SEPTIN9: variants seen among roughly 807,000 people sequenced by gnomAD.
SEPTIN9 encodes the protein septin-9.
A neutral mutation model predicts 56.6 loss-of-function variants in SEPTIN9; 13 were observed. The ratio of observed to expected loss-of-function variants is 0.23; its 90% confidence interval spans 0.15 to 0.37. SEPTIN9 has a LOEUF of 0.37. Among genes scored for constraint, SEPTIN9 ranks in the 10% least tolerant of loss-of-function variants. SEPTIN9 has a pLI of 1.00. For missense variants in SEPTIN9, 650 were observed against 823.1 expected (o/e 0.79, Z 2.57); for synonymous variants, 332 against 334.1 (o/e 0.99, Z 0.07).
At chr17:77,334,623 T>C (rs1488410936) in intron 2 of SEPTIN9, among the ~76,000 whole-genome samples, 1 of 152,130 alleles carries the variant, frequency 6.6e-6, no homozygotes, top group Non-Finnish European at 1.5e-5. Flanking sequence ...TTTCGATTTA[T>C]GATTTTTGTG....
chr17:77,373,269 G>T (rs2034782936), intron 2 of SEPTIN9: 5 of 1,147,438 alleles, frequency 4.4e-6, no homozygotes, highest in Non-Finnish European at 4.3e-6. Context: ...AACCTGATCC[G>T]CCCGGGAGGC....
chr17:77,471,043 C>T (rs2038974194), intron 3 of SEPTIN9: 1 of 152,272 alleles, frequency 6.6e-6, no homozygotes. Flanking sequence ...TGGGGCAGGG[C>T]CTGGAGACGG....
intron 2 of SEPTIN9, among the ~76,000 whole-genome samples, chr17:77,351,200 TTGCGCAGGCACATG>T: frequency 6.6e-6 from 1 of 150,746 alleles, no homozygotes; most frequent in African/African-American, 2.4e-5. Flanking sequence ...ATGGAGGGAC[TTGCGCAGGCACATG>T]TGCGCGTGCA....
chr17:77,311,672 G>A (rs555910247), intron 2 of SEPTIN9, among the ~76,000 whole-genome samples: 3 of 152,278 alleles, frequency 2.0e-5, no homozygotes, highest in African/African-American at 4.8e-5. Flanking sequence ...ATGCCAGAAG[G>A]GTGGGGCCTG....
chr17:77,492,776 G>A lies in SEPTIN9; in HGVS notation c.1476+60G>A, dbSNP rs559451907. ...ACCCCCAGTTCCTGCTGAAGGGTGGGTTGGGGGTTTGGAGGACCTTAAGCC... is the reference window on the plus strand; with the variant it reads ...ACCCCCAGTTCCTGCTGAAGGGTGGATTGGGGGTTTGGAGGACCTTAAGCC... On this transcript the variant is annotated intron_variant, in intron 9 of 11. Transcript: ENST00000427177. The surrounding 1 kb of genome is among the most constrained non-coding windows in gnomAD (Gnocchi z 5.4). 67 of 1,503,572 alleles carry A rather than the reference G, an allele frequency of 4.5e-5. No homozygotes were observed. The African/African-American group carries it at 8.6e-4, about 19-fold the overall frequency. The allele number at this position is 1,503,572 out of a possible 1,614,324, so 93.1% of individuals were successfully genotyped here. A position where few individuals can be genotyped will look rare whatever the true frequency, so the allele number is the denominator to read the frequency against.
intron 2 of SEPTIN9, among the ~76,000 whole-genome samples, chr17:77,378,584 A>G (rs941411815): frequency 2.0e-5 from 3 of 152,208 alleles, no homozygotes; most frequent in African/African-American, 7.2e-5. Context: ...GGGAGGTCTC[A>G]GGCAAGGGCC....
At chr17:77,426,037 T>G (rs1206392202) in intron 3 of SEPTIN9, among the ~76,000 whole-genome samples, 2 of 151,960 alleles carry the variant, frequency 1.3e-5, no homozygotes, top group Non-Finnish European at 2.9e-5. Context: ...GGTCCCAGCC[T>G]CAGGAGGAGG....
intron 2 of SEPTIN9, among the ~76,000 whole-genome samples, chr17:77,390,693 T>C (rs1490285378): frequency 6.6e-6 from 1 of 152,002 alleles, no homozygotes; most frequent in Non-Finnish European, 1.5e-5. Flanking sequence ...CCTCGTGATC[T>C]GCCCGCCTCT....
intron 2 of SEPTIN9, among the ~76,000 whole-genome samples, chr17:77,321,462 C>T (rs1223946442): frequency 3.1e-4 from 47 of 150,900 alleles, no homozygotes; most frequent in Non-Finnish European, 6.1e-4. Flanking sequence ...TGCAGTGGCG[C>T]GATCTCAGCT....
At chr17:77,388,609 T>C (rs312831) in intron 2 of SEPTIN9, among the ~76,000 whole-genome samples, 100,526 of 151,976 alleles carry the variant, frequency 0.66, 33,398 homozygotes, top group African/African-American at 0.69. Context: ...GCTCTGCAGG[T>C]CTGGGAAGCA....
intron 1 of SEPTIN9, among the ~76,000 whole-genome samples, chr17:77,298,949 G>A (rs945059635): frequency 6.6e-6 from 1 of 152,224 alleles, no homozygotes; most frequent in Non-Finnish European, 1.5e-5. Context: ...AAAGTGCTGG[G>A]ATTACAGGCA....
intron 1 of SEPTIN9, 114 bp from the exon 2 acceptor site, chr17:77,307,027 G>T: frequency 4.9e-6 from 5 of 1,024,288 alleles, no homozygotes; most frequent in Non-Finnish European, 6.2e-6. Flanking sequence ...CCCGTTTCTG[G>T]CTCTGGAACT....
At chr17:77,486,349 C>T (rs2039777708) in intron 4 of SEPTIN9, among the ~76,000 whole-genome samples, 1 of 152,122 alleles carries the variant, frequency 6.6e-6, no homozygotes, top group South Asian at 2.1e-4. Context: ...AGCAATCCTC[C>T]TGCCTCAGCC....
At chr17:77,285,821 AG>A (rs1567973339) in intron 1 of SEPTIN9, among the ~76,000 whole-genome samples, 3 of 152,232 alleles carry the variant, frequency 2.0e-5, no homozygotes, top group Non-Finnish European at 4.4e-5. Flanking sequence ...CCACACAGGA[AG>A]CAGCTTCTGC....
chr17:77,343,787 G>A (rs890974412), intron 2 of SEPTIN9, among the ~76,000 whole-genome samples: 2 of 152,272 alleles, frequency 1.3e-5, no homozygotes, highest in Non-Finnish European at 2.9e-5. Flanking sequence ...CTTGGGGGTC[G>A]GCGGGAGGAA....
chr17:77,478,686 C>T (rs923892778), intron 3 of SEPTIN9, among the ~76,000 whole-genome samples: 33 of 151,984 alleles, frequency 2.2e-4, no homozygotes, highest in Admixed American at 7.2e-4. Flanking sequence ...GCCTGTAATC[C>T]CAGCTACTTG....
Position 77,495,677 on chromosome 17 carries a change from C to A in SEPTIN9, c.1574-1638C>A, listed in dbSNP as rs529986098. ...GAGCCCCATTCTTCCTGCCGGCTCT[C>A]GCTGCCCGTCAGTGTTAGATGAGAG... On this transcript the variant is annotated intron_variant, in intron 10 of 11. Coordinates refer to ENST00000427177, the MANE Select transcript of SEPTIN9 (RefSeq NM_001113491.2). Among the ~76,000 whole-genome samples, 3 of 152,328 alleles carry A rather than the reference C, an allele frequency of 2.0e-5. No homozygotes were observed. The East Asian group carries it at 5.8e-4, about 29-fold the overall frequency.
intron 3 of SEPTIN9, among the ~76,000 whole-genome samples, chr17:77,410,075 G>A (rs1049339825): frequency 6.6e-6 from 1 of 152,192 alleles, no homozygotes; most frequent in Non-Finnish European, 1.5e-5. Flanking sequence ...TCCAAGGGGG[G>A]CTCCTGGGGT....
At chr17:77,486,631 G>A (rs2039805008) in intron 4 of SEPTIN9, among the ~76,000 whole-genome samples, 1 of 151,898 alleles carries the variant, frequency 6.6e-6, no homozygotes, top group African/African-American at 2.4e-5. Flanking sequence ...TGTGTTGTGA[G>A]TTGTGCATGT....
Sources: allele counts gnomAD v4.1 joint callset (sites outside exome capture counted in the v4.1 genomes callset), GRCh38; gene constraint gnomAD v4.1.1; non-coding constraint Gnocchi (gnomAD v3.1); transcripts MANE v1.5; gene names NCBI Gene and HGNC (gene_info 2026-07-23, HGNC 2026-07-21).